ABTB3: variants seen among roughly 807,000 people sequenced by gnomAD.
ABTB3 encodes ankyrin repeat and BTB domain containing 3.
chr12:107,456,788 GA>G, the ABTB3 span, among the ~76,000 whole-genome samples: 1 of 152,068 alleles, frequency 6.6e-6, no homozygotes, highest in Non-Finnish European at 1.5e-5. Flanking sequence ...GGAGGTGACA[GA>G]ACCTGGATTT....
At chr12:107,319,289 G>A in the ABTB3 span, 1 of 1,544,832 alleles carries the variant, frequency 6.5e-7, no homozygotes, top group East Asian at 2.4e-5. Context: ...TCCCCGGGCA[G>A]GCCCGGCGGT....
the ABTB3 span, among the ~76,000 whole-genome samples, chr12:107,330,154 C>T: frequency 6.6e-6 from 1 of 152,120 alleles, no homozygotes; most frequent in African/African-American, 2.4e-5. Context: ...GTAGAATGGC[C>T]ACTGCAGCTG....
At chr12:107,375,203 A>G in the ABTB3 span, among the ~76,000 whole-genome samples, 1 of 151,970 alleles carries the variant, frequency 6.6e-6, no homozygotes, top group Non-Finnish European at 1.5e-5. Context: ...GATCACTTGA[A>G]CCCAGAAATT....
the ABTB3 span, among the ~76,000 whole-genome samples, chr12:107,537,481 C>T: frequency 1.3e-3 from 198 of 152,274 alleles, 7 homozygotes; most frequent in South Asian, 0.033. Flanking sequence ...CAAAATATCA[C>T]TGTGTACCCC....
At chr12:107,382,873 A>G in the ABTB3 span, among the ~76,000 whole-genome samples, 2 of 152,174 alleles carry the variant, frequency 1.3e-5, no homozygotes. Context: ...ACAAACCTGC[A>G]TGTTCTGCAC....
the ABTB3 span, chr12:107,619,892 GAT>G: frequency 8.0e-7 from 1 of 1,246,716 alleles, no homozygotes. Flanking sequence ...CCAACTTCCA[GAT>G]AAAAACTCGC....
At chr12:107,604,670 T>A in the ABTB3 span, among the ~76,000 whole-genome samples, 5 of 152,194 alleles carry the variant, frequency 3.3e-5, no homozygotes, top group Non-Finnish European at 7.3e-5. Flanking sequence ...CTGGTGGGAA[T>A]GTAAATTATT....
the ABTB3 span, among the ~76,000 whole-genome samples, chr12:107,489,381 G>A: frequency 6.6e-6 from 1 of 152,076 alleles, no homozygotes; most frequent in South Asian, 2.1e-4. Flanking sequence ...CCAGCCGGGC[G>A]TGGTGGTGCA....
chr12:107,600,522 G>C, the ABTB3 span, among the ~76,000 whole-genome samples: 2 of 152,170 alleles, frequency 1.3e-5, no homozygotes, highest in African/African-American at 2.4e-5. Flanking sequence ...TGGAGCCATA[G>C]TGTAACCCAA....
At chr12:107,612,728 C>T in the ABTB3 span, 1 of 1,509,078 alleles carries the variant, frequency 6.6e-7, no homozygotes, top group Non-Finnish European at 9.1e-7. Context: ...TGTCGATTGA[C>T]CACAGCCACC....
the ABTB3 span, among the ~76,000 whole-genome samples, chr12:107,330,256 T>G: frequency 6.6e-6 from 1 of 152,130 alleles, no homozygotes; most frequent in Admixed American, 6.5e-5. Context: ...TGGAGAGCCC[T>G]TGAAAGCTTT....
At chr12:107,575,596 G>A in the ABTB3 span, among the ~76,000 whole-genome samples, 3 of 152,064 alleles carry the variant, frequency 2.0e-5, no homozygotes, top group Non-Finnish European at 4.4e-5. Flanking sequence ...TAGAGGCTCT[G>A]GGAAAGAATC....
the ABTB3 span, among the ~76,000 whole-genome samples, chr12:107,577,633 G>A: frequency 3.9e-5 from 6 of 151,976 alleles, 1 homozygote; most frequent in South Asian, 4.1e-4. Context: ...GCCTCTAGTC[G>A]CACCCTATAT....
chr12:107,598,214 G>A, the ABTB3 span, among the ~76,000 whole-genome samples: 1 of 152,236 alleles, frequency 6.6e-6, no homozygotes, highest in Non-Finnish European at 1.5e-5. Context: ...GTGGTTTGCA[G>A]TGTTTGCCAA....
chr12:107,522,051 A>C, the ABTB3 span, among the ~76,000 whole-genome samples: 1 of 150,870 alleles, frequency 6.6e-6, no homozygotes, highest in Non-Finnish European at 1.5e-5. Context: ...GTTCCTGGTG[A>C]GGTCTCTCTT....
chr12:107,358,102 A>G, the ABTB3 span, among the ~76,000 whole-genome samples: 1 of 152,208 alleles, frequency 6.6e-6, no homozygotes, highest in Admixed American at 6.5e-5. Context: ...AATAGCACAG[A>G]CAAAATCTTC....
the ABTB3 span, among the ~76,000 whole-genome samples, chr12:107,478,684 T>A: frequency 6.6e-6 from 1 of 151,958 alleles, no homozygotes; most frequent in Admixed American, 6.5e-5. Flanking sequence ...GCCACCCTCA[T>A]TTTAATATAC....
At chr12:107,339,483 G>A in the ABTB3 span, among the ~76,000 whole-genome samples, 10 of 152,090 alleles carry the variant, frequency 6.6e-5, no homozygotes, top group African/African-American at 2.4e-4. Flanking sequence ...CTGCTCACAG[G>A]GCCTCTGTTA....
At chr12:107,490,995 A>G in the ABTB3 span, among the ~76,000 whole-genome samples, 2 of 152,188 alleles carry the variant, frequency 1.3e-5, no homozygotes, top group Admixed American at 6.5e-5. Context: ...AGCTGGGATT[A>G]GAACTCAGAT....
Sources: gnomAD v4.1 joint callset for allele counts (sites outside exome capture counted in the v4.1 genomes callset) on GRCh38, gnomAD v4.1.1 for gene constraint, MANE v1.5 for transcripts, NCBI Gene and HGNC (gene_info 2026-07-23, HGNC 2026-07-21) for gene names.